Variants in GALNT13 observed in about 807,000 individuals in gnomAD.
GALNT13 encodes the protein polypeptide N-acetylgalactosaminyltransferase 13, also known as UDP-GalNAc:polypeptide N-acetylgalactosaminyltransferase 13.
GALNT13 carries 28 observed loss-of-function variants against 64.2 expected under a neutral mutation model. That is an observed-to-expected ratio of 0.44 (90% CI 0.32 to 0.60). GALNT13 has a LOEUF of 0.60. Ranked by LOEUF, GALNT13 falls within the 20% of genes least tolerant of loss-of-function variation. GALNT13 has a pLI of 0.05. For synonymous variants in GALNT13, 214 were observed against 224.6 expected (o/e 0.95, Z 0.42); for missense variants, 577 against 669.8 (o/e 0.86, Z 1.53).
At chr2:153,677,284 T>TACATAC in the GALNT13 span, among the ~76,000 whole-genome samples, 4,862 of 144,592 alleles carry the variant, frequency 0.034, 118 homozygotes, top group East Asian at 0.11. Flanking sequence ...ACAATAGACA[T>TACATAC]ACACACACAC....
the GALNT13 span, among the ~76,000 whole-genome samples, chr2:153,654,337 C>T: frequency 6.6e-6 from 1 of 151,950 alleles, no homozygotes; most frequent in South Asian, 2.1e-4. Flanking sequence ...AGCAAATCAA[C>T]TATATAGAAA....
Position 154,078,069 on chromosome 2 carries a change from C to T in GALNT13, c.143-62268C>T, listed in dbSNP as rs565165241. On this transcript the variant is annotated intron_variant, in intron 3 of 12. Coordinates refer to ENST00000392825, the MANE Select transcript of GALNT13 (RefSeq NM_052917.4). ...CAAAACTATGGATATTTTCCAAATA[C>T]TCTGCAGTTTTCTAATTATAATCAG... 4.5e-4 allele frequency among the ~76,000 whole-genome samples: 68 copies of T among 151,538 alleles called. 1 individual carries two copies. The highest frequency in any genetic ancestry group is 6.8e-3 in the Middle Eastern group (2 of 292).
chr2:154,107,138 T>G (rs1158194841), intron 3 of GALNT13, among the ~76,000 whole-genome samples: 1 of 152,184 alleles, frequency 6.6e-6, no homozygotes, highest in African/African-American at 2.4e-5. Context: ...GGCATCACCA[T>G]AAGCTGAGCA....
chr2:154,171,385 AG>A (rs1685339361), intron 4 of GALNT13, among the ~76,000 whole-genome samples: 1 of 152,172 alleles, frequency 6.6e-6, no homozygotes, highest in African/African-American at 2.4e-5. Context: ...TATGTAGAAA[AG>A]CATGCTATAA....
intron 3 of GALNT13, among the ~76,000 whole-genome samples, chr2:154,068,356 T>G (rs10460400): frequency 6.6e-6 from 1 of 151,702 alleles, no homozygotes; most frequent in Non-Finnish European, 1.5e-5. Flanking sequence ...GCAATCCCAC[T>G]TCTAGGTATA....
chr2:153,588,376 T>G, the GALNT13 span, among the ~76,000 whole-genome samples: 1 of 152,228 alleles, frequency 6.6e-6, no homozygotes, highest in Non-Finnish European at 1.5e-5. Flanking sequence ...AACTCCTGCC[T>G]GGGCATCCAG....
intron 9 of GALNT13, among the ~76,000 whole-genome samples, chr2:154,370,437 G>T (rs1697620341): frequency 6.6e-6 from 1 of 152,096 alleles, no homozygotes; most frequent in Non-Finnish European, 1.5e-5. Context: ...AAATAACTTG[G>T]GTGAGGACAG....
At chr2:154,411,312 G>GCACA (rs1295243108) in intron 11 of GALNT13, among the ~76,000 whole-genome samples, 8 of 65,628 alleles carry the variant, frequency 1.2e-4, no homozygotes, top group African/African-American at 3.8e-4. Context: ...ATACTTAATT[G>GCACA]CACATACACA....
the GALNT13 span, among the ~76,000 whole-genome samples, chr2:153,265,499 C>T: frequency 1.3e-5 from 2 of 152,200 alleles, no homozygotes; most frequent in South Asian, 4.1e-4. Flanking sequence ...ATTCTCTCTC[C>T]TCTAAGTGCA....
chr2:153,267,726 C>T, the GALNT13 span, among the ~76,000 whole-genome samples: 1 of 152,194 alleles, frequency 6.6e-6, no homozygotes, highest in African/African-American at 2.4e-5. Context: ...TTCCCCATTG[C>T]CTTGGCTATT....
chr2:153,265,839 A>G, the GALNT13 span, among the ~76,000 whole-genome samples: 8 of 152,228 alleles, frequency 5.3e-5, no homozygotes, highest in African/African-American at 1.9e-4. Flanking sequence ...ATGACAACAA[A>G]GGATCTAGAA....
At chr2:154,336,100 A>G (rs1695430013) in intron 9 of GALNT13, among the ~76,000 whole-genome samples, 1 of 152,144 alleles carries the variant, frequency 6.6e-6, no homozygotes, top group Non-Finnish European at 1.5e-5. Flanking sequence ...GATTAGAGAA[A>G]TAATCCAGTG....
chr2:154,172,972 C>A (rs1392180493), intron 4 of GALNT13, among the ~76,000 whole-genome samples: 1 of 151,754 alleles, frequency 6.6e-6, no homozygotes, highest in Non-Finnish European at 1.5e-5. Context: ...GAAAAAAATC[C>A]TAAAATTTAT....
intron 9 of GALNT13, among the ~76,000 whole-genome samples, chr2:154,310,963 TAAGAATA>T (rs1054516546): frequency 6.6e-6 from 1 of 151,966 alleles, no homozygotes; most frequent in African/African-American, 2.4e-5. Context: ...TAGAATATTC[TAAGAATA>T]TATATTCATA....
At chr2:153,548,816 CTT>C in the GALNT13 span, among the ~76,000 whole-genome samples, 1 of 152,164 alleles carries the variant, frequency 6.6e-6, no homozygotes, top group Non-Finnish European at 1.5e-5. Context: ...CACGTGAAAA[CTT>C]GTACACAAAT....
At chr2:153,384,389 A>G in the GALNT13 span, among the ~76,000 whole-genome samples, 1 of 152,080 alleles carries the variant, frequency 6.6e-6, no homozygotes, top group African/African-American at 2.4e-5. Context: ...TGATGAAGAA[A>G]GGGACTACCC....
chr2:153,168,128 G>A, the GALNT13 span, among the ~76,000 whole-genome samples: 1,156 of 152,276 alleles, frequency 7.6e-3, 12 homozygotes, highest in African/African-American at 0.026. Context: ...TTGAAGGATA[G>A]TAGAGGAAGG....
At chr2:153,985,030 A>G (rs1694702718) in intron 3 of GALNT13, among the ~76,000 whole-genome samples, 1 of 151,982 alleles carries the variant, frequency 6.6e-6, no homozygotes, top group East Asian at 1.9e-4. Flanking sequence ...GTGCCTTGCA[A>G]TCTTTTATCT....
At chr2:153,599,639 T>C in the GALNT13 span, among the ~76,000 whole-genome samples, 1 of 151,956 alleles carries the variant, frequency 6.6e-6, no homozygotes, top group South Asian at 2.1e-4. Flanking sequence ...CATTCATTAC[T>C]ACATTTTGAG....
Sources: gnomAD v4.1 joint callset for allele counts (sites outside exome capture counted in the v4.1 genomes callset) on GRCh38, gnomAD v4.1.1 for gene constraint, MANE v1.5 for transcripts, NCBI Gene and HGNC (gene_info 2026-07-23, HGNC 2026-07-21) for gene names.